Variants in ANAPC1 observed in about 807,000 individuals in gnomAD.
The protein encoded by ANAPC1 is anaphase promoting complex subunit 1, also known as anaphase-promoting complex subunit 1.
Under a neutral mutation model 208.0 loss-of-function variants are expected in ANAPC1, and 36 were observed. The observed-to-expected ratio is 0.17, with a 90% confidence interval of 0.13 to 0.23. ANAPC1 has a LOEUF of 0.23. Ranked by LOEUF, ANAPC1 falls within the 10% of genes least tolerant of loss-of-function variation. ANAPC1 has a pLI of 1.00. For missense variants in ANAPC1, 942 were observed against 2,011.6 expected (o/e 0.47, Z 10.17); for synonymous variants, 378 against 695.2 (o/e 0.54, Z 7.18).
At chr2:111,876,846 G>C (rs1174108966) in intron 3 of ANAPC1, among the ~76,000 whole-genome samples, 1 of 98,098 alleles carries the variant, frequency 1.0e-5, no homozygotes, top group African/African-American at 3.2e-5. Flanking sequence ...ATTAGTCAAA[G>C]CCTCCAAAAC....
chr2:111,782,311 C>T (rs1002678963), intron 43 of ANAPC1, 58 bp downstream of exon 43: 26 of 1,608,346 alleles, frequency 1.6e-5, no homozygotes, highest in African/African-American at 4.0e-5. Context: ...TAGCAATGGG[C>T]GAGGAAGCCG....
At position 111,798,975 on chromosome 2, in the gene ANAPC1, A is replaced by G. The variant is rs949293379; in HGVS notation, c.4296+1822T>C. On this transcript the variant is annotated intron_variant, in intron 34 of 47. Transcript: ENST00000341068. ...CGTGAACCTGGGAGGCGGAGCTTGC[A>G]GTGAGCCGAGATCACACCACTGCAC... 1.5e-4 allele frequency among the ~76,000 whole-genome samples: 23 copies of G among 151,124 alleles called. No homozygotes were observed. The South Asian group carries it at 4.4e-3, about 29-fold the overall frequency.
intron 38 of ANAPC1, among the ~76,000 whole-genome samples, chr2:111,790,500 G>A (rs761419464): frequency 6.6e-6 from 1 of 152,204 alleles, no homozygotes; most frequent in Admixed American, 6.5e-5. Flanking sequence ...AGGTGGTACT[G>A]CAGAGCAGTG....
chr2:111,767,381 C>T (rs1306630634), downstream of ANAPC1, among the ~76,000 whole-genome samples: 16 of 150,884 alleles, frequency 1.1e-4, no homozygotes, highest in African/African-American at 3.0e-4. Flanking sequence ...ATGGTGAGAG[C>T]CATACCCTCA....
intron 22 of ANAPC1, 130 bp downstream of exon 22, chr2:111,825,647 C>G: frequency 1.2e-6 from 1 of 822,772 alleles, no homozygotes; most frequent in Non-Finnish European, 1.9e-6. Context: ...AAGACCGCAA[C>G]AGACCAGAAC....
chr2:111,845,700 C>T (rs1244953489), intron 16 of ANAPC1, among the ~76,000 whole-genome samples: 4 of 152,220 alleles, frequency 2.6e-5, no homozygotes, highest in Admixed American at 6.5e-5. Flanking sequence ...TAGAGCCGGG[C>T]GCGGTGGCTC....
At chr2:111,879,627 T>A (rs936359759) in intron 2 of ANAPC1, among the ~76,000 whole-genome samples, 15 of 152,178 alleles carry the variant, frequency 9.9e-5, no homozygotes, top group Non-Finnish European at 1.8e-4. Flanking sequence ...TCCCAGCACT[T>A]TGGGAAGCCG....
intron 6 of ANAPC1, among the ~76,000 whole-genome samples, chr2:111,871,520 G>A (rs1682744139): frequency 6.6e-6 from 1 of 152,210 alleles, no homozygotes; most frequent in African/African-American, 2.4e-5. Flanking sequence ...GGAGGCCAAG[G>A]TGGGTGGATC....
rs146886563 is a variant in ANAPC1, at chr2:111,831,317, C to A, written c.2594G>T (p.Gly865Val). Reference protein sequence around the residue: ...EGMPPYPYLPGICERSRLVVL... With the variant: ...EGMPPYPYLPVICERSRLVVL... ...TACAAGTCTGCTTCTTTCACAGATT[C>A]CAGGGAGGTAAGGATAAGGTGGCAT... is the stretch of plus-strand genomic sequence containing the variant. The change falls in exon 21 of 48, where the codon GGA (glycine) becomes GTA (valine). Residue 865 changes from glycine to valine, a missense_variant. Physicochemically the swap from Gly to Val is moderately radical, Grantham distance 109. Transcript: ENST00000341068. 1.2e-6 allele frequency: 2 copies of A among 1,611,778 alleles called. No individual in the cohort carries two copies. Among genetic ancestry groups the A allele is most frequent in the Admixed American group, 1.7e-5 (1 of 59,986 alleles).
rs746482293 is a variant in ANAPC1, at chr2:111,833,244, C to T, written c.2452G>A (p.Gly818Arg). 6.2e-7 allele frequency: 1 copy of T among 1,600,218 alleles called. No homozygotes were observed. Among genetic ancestry groups the T allele is most frequent in the African/African-American group, 1.3e-5 (1 of 74,732 alleles). Residue 818 changes from glycine to arginine, a missense_variant, in exon 20 of 48, where the codon GGA (glycine) becomes AGA (arginine). Coordinates refer to ENST00000341068, the MANE Select transcript of ANAPC1 (RefSeq NM_022662.4). ...RDYPTLVRTT[G>R]QVCTIDPGQT... ...CCTGGATCAATTGTGCACACTTGTC[C>T]AGTAGTTCTGACAAGCGTTGGGTAG...
In ANAPC1 at chr2:111,843,592, C is replaced by T. The variant is rs191644175; in HGVS notation, c.1860G>A (p.Thr620=). 138 of 1,609,050 alleles carry T rather than the reference C, an allele frequency of 8.6e-5. No homozygotes were observed. Among genetic ancestry groups the T allele is most frequent in the Non-Finnish European group, 1.1e-4 (130 of 1,178,052 alleles). The change falls in exon 17 of 48, where the codon ACG becomes ACA. Residue 620 remains threonine, a synonymous_variant. Transcript: ENST00000341068. ...GGATAAACTTAATTGCTTGCAAACA[C>T]GTTTGTACTATTAAAAGCAAAGATT... is the stretch of plus-strand genomic sequence containing the variant. ...PEIATSELVQ[T]CLQAIKFILP...
At chr2:111,858,039 A>C (rs903484187) in intron 11 of ANAPC1, among the ~76,000 whole-genome samples, 9 of 152,150 alleles carry the variant, frequency 5.9e-5, no homozygotes, top group African/African-American at 2.2e-4. Flanking sequence ...CTGAGGCTGG[A>C]AATGGGAACA....
At chr2:111,826,577 C>A (rs1390377402) in intron 21 of ANAPC1, among the ~76,000 whole-genome samples, 1 of 152,140 alleles carries the variant, frequency 6.6e-6, no homozygotes, top group South Asian at 2.1e-4. Context: ...TACAGACATA[C>A]CAAACTTTGT....
intron 34 of ANAPC1, among the ~76,000 whole-genome samples, chr2:111,799,100 CAGT>C (rs1207078957): frequency 6.6e-6 from 1 of 151,346 alleles, no homozygotes; most frequent in Non-Finnish European, 1.5e-5. Context: ...TCCAGCAACG[CAGT>C]AATAAAAATA....
chr2:111,775,102 C>T (rs1463286328), intron 46 of ANAPC1, among the ~76,000 whole-genome samples: 2 of 152,182 alleles, frequency 1.3e-5, no homozygotes, highest in East Asian at 3.9e-4. Flanking sequence ...CCCGTCTCTA[C>T]TAAAAGTACA....
At position 111,856,051 on chromosome 2, in the gene ANAPC1, C is replaced by T. The variant is rs375226930; in HGVS notation, c.1515+563G>A. 3.5e-4 allele frequency among the ~76,000 whole-genome samples: 54 copies of T among 152,138 alleles called. 1 individual carries two copies. Among genetic ancestry groups the T allele is most frequent in the African/African-American group, 7.9e-4 (33 of 41,518 alleles). ...GAGATCGAGACCACCCTGGCTAACA[C>T]GGTGAAACCCCGTCTCTACTAAAAA... On this transcript the variant is annotated intron_variant, in intron 13 of 47. Transcript: ENST00000341068.
chr2:111,790,983 A>G (rs1677842316), intron 38 of ANAPC1, among the ~76,000 whole-genome samples: 1 of 152,354 alleles, frequency 6.6e-6, no homozygotes, highest in East Asian at 1.9e-4. Context: ...AAATTTCTGG[A>G]GATTGGTTGC....
chr2:111,837,722 C>T (rs1400523049), intron 18 of ANAPC1, among the ~76,000 whole-genome samples: 1 of 151,472 alleles, frequency 6.6e-6, no homozygotes, highest in Non-Finnish European at 1.5e-5. Flanking sequence ...TCAAACTAAA[C>T]CCAAGCTGTA....
intron 21 of ANAPC1, among the ~76,000 whole-genome samples, chr2:111,830,705 T>A (rs1680083094): frequency 6.6e-6 from 1 of 151,834 alleles, no homozygotes; most frequent in East Asian, 1.9e-4. Context: ...TAACTACACA[T>A]CTCTCAGAAA....
Sources: allele counts gnomAD v4.1 joint callset (sites outside exome capture counted in the v4.1 genomes callset), GRCh38; gene constraint gnomAD v4.1.1; transcripts MANE v1.5; gene names NCBI Gene and HGNC (gene_info 2026-07-23, HGNC 2026-07-21).